The following DPP6 variants were observed in gnomAD, a reference collection of about 807,000 sequenced individuals.
The protein encoded by DPP6 is A-type potassium channel modulatory protein DPP6.
In DPP6, 69 loss-of-function variants were observed where a neutral mutation model predicts 122.6. The observed-to-expected ratio is 0.56, with a 90% confidence interval of 0.46 to 0.69. The LOEUF (loss-of-function observed/expected upper bound fraction) is 0.69. DPP6 is among the 30% of genes least tolerant of loss of function. The pLI is 0.00. For synonymous variants in DPP6, 418 were observed against 433.1 expected (o/e 0.97, Z 0.43); for missense variants, 928 against 1,116.9 (o/e 0.83, Z 2.41).
At chr7:154,324,037 A>G (rs1048309313) in intron 1 of DPP6, among the ~76,000 whole-genome samples, 12 of 152,336 alleles carry the variant, frequency 7.9e-5, no homozygotes, top group Admixed American at 6.5e-4. Flanking sequence ...AAGAGGAAAC[A>G]CTGAGTCCCA....
intron 22 of DPP6, among the ~76,000 whole-genome samples, chr7:154,886,215 G>A (rs1806133597): frequency 1.3e-5 from 2 of 152,214 alleles, no homozygotes; most frequent in African/African-American, 4.8e-5. Context: ...TGCTACCATA[G>A]AGCAATTCAA....
At chr7:153,830,185 A>G in the DPP6 span, among the ~76,000 whole-genome samples, 6 of 152,348 alleles carry the variant, frequency 3.9e-5, no homozygotes, top group East Asian at 1.9e-4. Flanking sequence ...TTAACTCACT[A>G]TCAATGGCAG....
chr7:154,032,844 C>T (rs1276859246), intron 1 of DPP6, among the ~76,000 whole-genome samples: 2 of 147,934 alleles, frequency 1.4e-5, no homozygotes, highest in African/African-American at 5.0e-5. Flanking sequence ...GCACCCCCCA[C>T]CGACCCCATC....
intron 1 of DPP6, among the ~76,000 whole-genome samples, chr7:154,420,205 C>T (rs926111622): frequency 5.3e-5 from 8 of 152,002 alleles, no homozygotes; most frequent in East Asian, 1.9e-4. Flanking sequence ...GGCGTGGTGG[C>T]GGGCACCTGT....
At chr7:154,715,958 G>A (rs769741126) in intron 7 of DPP6, among the ~76,000 whole-genome samples, 8 of 151,904 alleles carry the variant, frequency 5.3e-5, no homozygotes, top group Non-Finnish European at 1.0e-4. Flanking sequence ...TTAGTAACCC[G>A]TACATTCTGT....
chr7:153,975,252 AATT>A (rs764631470), intron 1 of DPP6, among the ~76,000 whole-genome samples: 3 of 43,078 alleles, frequency 7.0e-5, no homozygotes, highest in Non-Finnish European at 2.4e-4. Context: ...AAAAAAAAAA[AATT>A]ATTTCACTTA....
intron 1 of DPP6, among the ~76,000 whole-genome samples, chr7:154,106,005 A>G (rs1033717551): frequency 4.6e-5 from 7 of 151,582 alleles, no homozygotes; most frequent in African/African-American, 1.7e-4. Flanking sequence ...GCTGTGACCT[A>G]TGGAACGGTA....
At position 154,159,017 on chromosome 7, in the gene DPP6, G is replaced by A. The variant is rs1259528209; in HGVS notation, c.243+105954G>A. Among the ~76,000 whole-genome samples the A allele has an allele frequency of 2.8e-4, 42 of 152,250 alleles. 1 individual carries two copies. The highest frequency in any genetic ancestry group is 8.9e-4 in the African/African-American group (37 of 41,548). ...CTGAGACCTGAATACCTTAGGTTCA[G>A]TTCCTCCAGAGAATCAACCTCCCAT... On this transcript the variant is annotated intron_variant, in intron 1 of 25. Coordinates refer to ENST00000377770, the MANE Select transcript of DPP6 (RefSeq NM_130797.4).
At chr7:154,368,651 G>A (rs538519873) in intron 1 of DPP6, among the ~76,000 whole-genome samples, 10 of 152,258 alleles carry the variant, frequency 6.6e-5, no homozygotes, top group South Asian at 2.1e-4. Flanking sequence ...AGTAATTCTC[G>A]ATCGCTGAAA....
intron 1 of DPP6, among the ~76,000 whole-genome samples, chr7:154,409,736 G>T (rs895180540): frequency 9.9e-5 from 15 of 152,272 alleles, no homozygotes; most frequent in Admixed American, 8.5e-4. Flanking sequence ...AAAGAGTGAG[G>T]TTCCTTTTAC....
the DPP6 span, among the ~76,000 whole-genome samples, chr7:153,880,692 A>G: frequency 7.1e-4 from 108 of 152,306 alleles, no homozygotes; most frequent in African/African-American, 2.5e-3. Context: ...CACAGAGACA[A>G]GTATGTGGGG....
upstream of DPP6, among the ~76,000 whole-genome samples, chr7:153,885,411 GGAGGTGAT>G (rs771247565): frequency 6.6e-5 from 10 of 152,112 alleles, no homozygotes; most frequent in South Asian, 2.1e-4. Context: ...GAGGACTTTG[GGAGGTGAT>G]GAGGTGATGA....
intron 5 of DPP6, among the ~76,000 whole-genome samples, chr7:154,613,506 C>A (rs1362983646): frequency 6.6e-6 from 1 of 151,430 alleles, no homozygotes; most frequent in Non-Finnish European, 1.5e-5. Context: ...GTAATCCCAG[C>A]TACTCGGGAG....
chr7:154,222,289 C>T (rs550003381), intron 1 of DPP6, among the ~76,000 whole-genome samples: 2 of 152,214 alleles, frequency 1.3e-5, no homozygotes, highest in Non-Finnish European at 2.9e-5. Context: ...CACAGCCACA[C>T]ACAGCCTGTC....
chr7:154,498,408 G>A (rs1248259746), intron 3 of DPP6, among the ~76,000 whole-genome samples: 2 of 152,068 alleles, frequency 1.3e-5, no homozygotes, highest in African/African-American at 2.4e-5. Flanking sequence ...GCATGATCTC[G>A]GGTTACTGCA....
In DPP6 at chr7:154,262,094, G is replaced by A. The variant is rs143231184; in HGVS notation, c.244-184120G>A. The stretch of plus-strand genomic sequence containing the variant: ...GTTTTGAAGTTAAAGCCCACAGGGT[G>A]CACTAATAGACTGCTCGTGAAATAT... On this transcript the variant is annotated intron_variant, in intron 1 of 25. Coordinates refer to ENST00000377770, the MANE Select transcript of DPP6 (RefSeq NM_130797.4). Among the ~76,000 whole-genome samples the A allele has an allele frequency of 1.8e-3, 278 of 152,194 alleles. 1 individual carries two copies. The highest frequency in any genetic ancestry group is 3.5e-3 in the Non-Finnish European group (237 of 68,000).
chr7:154,264,797 C>A (rs112677767), intron 1 of DPP6, among the ~76,000 whole-genome samples: 6 of 108,176 alleles, frequency 5.5e-5, no homozygotes, highest in South Asian at 6.4e-4. Flanking sequence ...GGTGTTGATG[C>A]TGGTGATAAT....
intron 1 of DPP6, among the ~76,000 whole-genome samples, chr7:154,287,628 C>T (rs1387498204): frequency 6.6e-6 from 1 of 152,216 alleles, no homozygotes; most frequent in Admixed American, 6.5e-5. Flanking sequence ...GGCCAGGACT[C>T]GGTGTGTTCC....
intron 5 of DPP6, among the ~76,000 whole-genome samples, chr7:154,622,041 G>A (rs1834721102): frequency 6.6e-6 from 1 of 152,112 alleles, no homozygotes; most frequent in Non-Finnish European, 1.5e-5. Context: ...TCCTTTATCA[G>A]GTCCTTATTG....
Sources: allele counts gnomAD v4.1 joint callset (sites outside exome capture counted in the v4.1 genomes callset), GRCh38; gene constraint gnomAD v4.1.1; transcripts MANE v1.5; gene names NCBI Gene and HGNC (gene_info 2026-07-23, HGNC 2026-07-21).